ROCK1: variants seen among roughly 807,000 people sequenced by gnomAD.
ROCK1 encodes the protein Rho associated coiled-coil containing protein kinase 1.
In ROCK1, 36 loss-of-function variants were observed where a neutral mutation model predicts 196.8. The ratio of observed to expected loss-of-function variants is 0.18; its 90% CI spans 0.14 to 0.24. The LOEUF (loss-of-function observed/expected upper bound fraction) is 0.24, where lower values mean the gene tolerates loss of function less well. Among genes scored for constraint, ROCK1 ranks in the 10% least tolerant of loss-of-function variants. ROCK1 has a pLI of 1.00. For missense variants in ROCK1, 920 were observed against 1,562.0 expected (o/e 0.59, Z 6.93); for synonymous variants, 443 against 515.9 (o/e 0.86, Z 1.91).
intron 20 of ROCK1, among the ~76,000 whole-genome samples, chr18:20,983,805 T>C (rs2035554564): frequency 6.6e-6 from 1 of 152,166 alleles, no homozygotes; most frequent in African/African-American, 2.4e-5. Flanking sequence ...CAAGTGATGA[T>C]ATGATAAAAT....
Position 20,993,347 on chromosome 18 carries a change from C to T in ROCK1, c.1886-410G>A, listed in dbSNP as rs1315103047. Among the ~76,000 whole-genome samples the T allele has an allele frequency of 4.5e-4, 68 of 152,136 alleles. 1 individual carries two copies. Among genetic ancestry groups the T allele is most frequent in the Non-Finnish European group, 3.1e-4 (21 of 68,032 alleles). Reference sequence around the variant, plus strand: ...CCTCCCGAGTAGCTGGGACTACAGGCGCCTGCCACCAGGCCCGGCTAATTT... The same window carrying T: ...CCTCCCGAGTAGCTGGGACTACAGGTGCCTGCCACCAGGCCCGGCTAATTT... On this transcript the variant is annotated intron_variant, in intron 16 of 32. Transcript: ENST00000399799.
At chr18:20,957,847 C>T (rs113710295) in intron 29 of ROCK1, among the ~76,000 whole-genome samples, 430 of 135,434 alleles carry the variant, frequency 3.2e-3, no homozygotes, top group East Asian at 0.013. Context: ...GACAGGGTCT[C>T]GCTATGTTGC....
rs71269004 is a variant in ROCK1, at chr18:21,033,854, T to TAAAAAAAAAAAAAAAAAAAAAAAAA, written c.1052-4944_1052-4920dup. ...TAACTCAGTGAAACCCCGTTTCTAC[T>TAAAAAAAAAAAAAAAAAAAAAAAAA]AAAAAAAAAAAAAAAAAAAAAAAAA... On this transcript the variant is annotated intron_variant, in intron 9 of 32. Transcript: ENST00000399799. 3.0e-4 allele frequency among the ~76,000 whole-genome samples: 10 copies of TAAAAAAAAAAAAAAAAAAAAAAAAA among 33,464 alleles called. 3 individuals are homozygous for TAAAAAAAAAAAAAAAAAAAAAAAAA. The highest frequency in any genetic ancestry group is 1.2e-3 in the Admixed American group (2 of 1,656). 22.0% of individuals were successfully genotyped at this position (33,464 alleles called of 152,430 possible).
intron 11 of ROCK1, among the ~76,000 whole-genome samples, chr18:21,022,778 A>G (rs569985646): frequency 7.2e-5 from 11 of 152,092 alleles, no homozygotes; most frequent in Non-Finnish European, 1.5e-4. Flanking sequence ...GTTTCCCTCT[A>G]CTGATGTTCA....
chr18:20,971,998 G>A (rs1405530731), intron 22 of ROCK1, among the ~76,000 whole-genome samples: 1 of 152,072 alleles, frequency 6.6e-6, no homozygotes, highest in Non-Finnish European at 1.5e-5. Flanking sequence ...CTGGTACTCT[G>A]GTGTTTTAGA....
Position 21,049,804 on chromosome 18 carries a change from T to C in ROCK1, c.252A>G (p.Arg84=). 1 of 1,604,616 alleles carries C rather than the reference T, an allele frequency of 6.2e-7. No individual in the cohort carries two copies. Among genetic ancestry groups the C allele is most frequent in the Non-Finnish European group, 8.5e-7 (1 of 1,174,458 alleles). The change falls in exon 3 of 33, where the codon AGA becomes AGG. Residue 84 remains arginine (R), a synonymous_variant. Transcript: ENST00000399799. ...CCAATTGAACTTCTCCAAATGCACCTCTACCAATCACCTTCACTACTTCAT... is the reference window on the plus strand; with the variant it reads ...CCAATTGAACTTCTCCAAATGCACCCCTACCAATCACCTTCACTACTTCAT... The part of the protein sequence containing the change: ...EDYEVVKVIG[R]GAFGEVQLVR...
chr18:21,042,519 G>A (rs946450973), intron 7 of ROCK1, 46 bp downstream of exon 7: 2 of 1,573,984 alleles, frequency 1.3e-6, no homozygotes, highest in Non-Finnish European at 1.7e-6. Flanking sequence ...GGCAAGTTTT[G>A]AGATGAACAA....
chr18:20,998,024 A>C (rs1449142369), intron 16 of ROCK1, among the ~76,000 whole-genome samples: 1 of 152,016 alleles, frequency 6.6e-6, no homozygotes, highest in Non-Finnish European at 1.5e-5. Context: ...TTTAGTAGAG[A>C]CAGGGTTTCA....
Position 21,045,316 on chromosome 18 carries a change from A to G in ROCK1, c.566T>C (p.Ile189Thr), listed in dbSNP as rs1418105141. 6.2e-7 allele frequency: 1 copy of G among 1,610,370 alleles called. No homozygotes were observed. Among genetic ancestry groups the G allele is most frequent in the Admixed American group, 1.7e-5 (1 of 59,182 alleles). ...TAEVVLALDA[I>T]HSMGFIHRDV... ...CCTGTGAATAAAACCCATGGAATGG[A>G]TTGCATCCAATGCAAGAACTACTTC... is the stretch of plus-strand genomic sequence containing the variant. The change falls in exon 5 of 33, where the codon ATC becomes ACC. Residue 189 changes from isoleucine to threonine, a missense_variant. Around this residue, in one of 6 missense-constraint regions of ROCK1, gnomAD observed 234 missense variants for 460.7 expected, o/e 0.51. Transcript: ENST00000399799.
intron 23 of ROCK1, chr18:20,970,092 T>C: frequency 3.3e-6 from 1 of 301,646 alleles, no homozygotes; most frequent in East Asian, 5.6e-5. Context: ...TAATAAGATC[T>C]ACAGCCAGAA....
chr18:21,090,466 G>T (rs1415890388), intron 1 of ROCK1, among the ~76,000 whole-genome samples: 6 of 152,110 alleles, frequency 3.9e-5, no homozygotes, highest in African/African-American at 1.4e-4. Context: ...TTATTTTTGA[G>T]ACTCTGTATC....
chr18:21,016,122 TA>T (rs2035861101), intron 12 of ROCK1, among the ~76,000 whole-genome samples: 1 of 152,222 alleles, frequency 6.6e-6, no homozygotes, highest in Admixed American at 6.5e-5. Flanking sequence ...TTGATGAGCA[TA>T]AATGATATTT....
rs1341014357 is a variant in ROCK1 at position 20,969,164 on chromosome 18, T to A, written c.2865A>T (p.Leu955Phe). The change falls in exon 24 of 33, where the codon TTA becomes TTT. Residue 955 changes from leucine to phenylalanine, a missense_variant. Leu to Phe is a conservative substitution (Grantham distance 22, BLOSUM62 0). Around this residue, in one of 6 missense-constraint regions of ROCK1, gnomAD observed 520 missense variants for 657.1 expected, o/e 0.79. Coordinates refer to ENST00000399799, the MANE Select transcript of ROCK1 (RefSeq NM_005406.3). ...NSMLTKDIEI[L>F]RRENEELTEK... Reference sequence around the variant, plus strand: ...CTGTTAGCTCTTCATTCTCTCTTCTTAATATTTCAATATCTTTGGTTAGCA... The same window carrying A: ...CTGTTAGCTCTTCATTCTCTCTTCTAAATATTTCAATATCTTTGGTTAGCA... The A allele has an allele frequency of 6.2e-7, 1 of 1,604,594 alleles. No homozygotes were observed. The highest frequency in any genetic ancestry group is 1.3e-5 in the African/African-American group (1 of 75,028).
chr18:20,978,702 T>C (rs1315661783), intron 22 of ROCK1, among the ~76,000 whole-genome samples: 11 of 152,122 alleles, frequency 7.2e-5, no homozygotes, highest in Non-Finnish European at 1.2e-4. Flanking sequence ...TGAGGGAACA[T>C]CTACAGGACA....
intron 19 of ROCK1, among the ~76,000 whole-genome samples, chr18:20,986,701 A>G (rs1392648894): frequency 2.0e-5 from 3 of 152,202 alleles, no homozygotes; most frequent in Non-Finnish European, 2.9e-5. Flanking sequence ...GGAAGGAACT[A>G]TGACATTTCA....
chr18:20,990,103 T>C lies in ROCK1; in HGVS notation c.2143+1073A>G, dbSNP rs532605695. On this transcript the variant is annotated intron_variant, in intron 18 of 32. Coordinates refer to ENST00000399799, the MANE Select transcript of ROCK1 (RefSeq NM_005406.3). ...ACCAAAAATAAATAATTTTTAAAAA[T>C]TGAAAAAAAATTGACAACTCAGGTT... Among the ~76,000 whole-genome samples the C allele has an allele frequency of 8.6e-5, 13 of 151,732 alleles. No homozygotes were observed. The South Asian group carries it at 1.2e-3, about 15-fold the overall frequency.
intron 14 of ROCK1, 31 bp from the exon 15 acceptor site, chr18:21,006,821 T>A (rs1462555780): frequency 1.6e-6 from 2 of 1,287,960 alleles, no homozygotes; most frequent in Non-Finnish European, 2.2e-6. Flanking sequence ...ATATAGAAAT[T>A]ACAACATTTT....
At position 21,109,466 on chromosome 18, in the gene ROCK1, A is replaced by G. The variant is rs45452699; in HGVS notation, c.93+1352T>C. 8.5e-3 allele frequency among the ~76,000 whole-genome samples: 1,301 copies of G among 152,356 alleles called. 5 individuals are homozygous for G. Among genetic ancestry groups the G allele is most frequent in the Non-Finnish European group, 0.014 (962 of 68,014 alleles). On this transcript the variant is annotated intron_variant, in intron 1 of 32. Coordinates refer to ENST00000399799, the MANE Select transcript of ROCK1 (RefSeq NM_005406.3). ...TATTAAAAGATAAATCAGACTTCTT[A>G]GAAGTTATAGAAATCCTTACTACAA... is the stretch of plus-strand genomic sequence containing the variant.
At position 21,110,944 on chromosome 18, in the gene ROCK1, C is replaced by G; in HGVS notation, c.-34G>C. On this transcript the variant is annotated 5_prime_UTR_variant, in exon 1 of 33. Transcript: ENST00000399799. Reference sequence around the variant, plus strand: ...TGCTGTGACAATGCCCTCTTACCAGCACCAGCAGCGGAAAGCAATTTCAAC... The same window carrying G: ...TGCTGTGACAATGCCCTCTTACCAGGACCAGCAGCGGAAAGCAATTTCAAC... 6.4e-7 allele frequency: 1 copy of G among 1,562,280 alleles called. No homozygotes were observed.
Sources: allele counts gnomAD v4.1 joint callset (sites outside exome capture counted in the v4.1 genomes callset), GRCh38; gene constraint gnomAD v4.1.1; regional missense constraint gnomAD v4.1.1; transcripts MANE v1.5; gene names NCBI Gene and HGNC (gene_info 2026-07-23, HGNC 2026-07-21).